The following KCNQ2 variants were observed in gnomAD, a reference collection of about 807,000 sequenced individuals.
The protein encoded by KCNQ2 is potassium voltage-gated channel subfamily KQT member 2.
In KCNQ2, 14 loss-of-function variants were observed where a neutral mutation model predicts 84.8. The ratio of observed to expected loss-of-function variants is 0.17; its 90% CI spans 0.11 to 0.26. KCNQ2 has a LOEUF of 0.26. KCNQ2 is among the 10% of genes least tolerant of loss of function. The pLI is 1.00. For missense variants in KCNQ2, 788 were observed against 1,254.0 expected, an observed-to-expected ratio of 0.63 and a Z score of 5.61; for synonymous variants, 599 against 554.1, an observed-to-expected ratio of 1.08 and a Z score of -1.14.
intron 15 of KCNQ2, chr20:63,411,152 G>A (rs751827729): frequency 1.3e-4 from 49 of 378,672 alleles, no homozygotes; most frequent in Non-Finnish European, 1.8e-4. Flanking sequence ...CTGCTGGAGC[G>A]CACGCCTGTG....
intron 7 of KCNQ2, among the ~76,000 whole-genome samples, chr20:63,436,459 A>T (rs982602612): frequency 1.6e-4 from 24 of 151,022 alleles, no homozygotes; most frequent in Non-Finnish European, 2.5e-4. Flanking sequence ...GGAACCAGGG[A>T]GGTGGAGCTT....
At chr20:63,431,463 A>G in intron 8 of KCNQ2, 94 bp from the exon 9 acceptor site, 3 of 1,372,442 alleles carry the variant, frequency 2.2e-6, no homozygotes, top group Non-Finnish European at 3.1e-6. Context: ...TAGTTGAGGA[A>G]AGTAGGGGAA....
chr20:63,437,935 G>A (rs976507854), intron 7 of KCNQ2, among the ~76,000 whole-genome samples: 7 of 152,100 alleles, frequency 4.6e-5, no homozygotes, highest in East Asian at 3.9e-4. Flanking sequence ...TCAGCCTCCC[G>A]AGTAGCTGGG....
intron 9 of KCNQ2, among the ~76,000 whole-genome samples, chr20:63,430,397 C>T (rs955474107): frequency 1.3e-5 from 2 of 152,114 alleles, no homozygotes; most frequent in African/African-American, 2.4e-5. Flanking sequence ...CAGCACTGCA[C>T]CCACTTCCTT....
At chr20:63,428,754 C>T (rs1037576253) in intron 9 of KCNQ2, among the ~76,000 whole-genome samples, 3 of 152,070 alleles carry the variant, frequency 2.0e-5, no homozygotes, top group Admixed American at 6.5e-5. Context: ...TGGAGGAGGG[C>T]GCGCAGGTAG....
intron 12 of KCNQ2, among the ~76,000 whole-genome samples, chr20:63,417,785 C>A (rs1166731596): frequency 2.0e-5 from 3 of 152,196 alleles, no homozygotes; most frequent in African/African-American, 7.2e-5. Flanking sequence ...TCAGGGGGGA[C>A]CCCCCGCTGA....
chr20:63,436,954 T>C (rs2081028390), intron 7 of KCNQ2, among the ~76,000 whole-genome samples: 1 of 152,022 alleles, frequency 6.6e-6, no homozygotes, highest in Non-Finnish European at 1.5e-5. Context: ...TTTTTTTGTA[T>C]TTTTAGTAGA....
intron 1 of KCNQ2, among the ~76,000 whole-genome samples, chr20:63,455,303 C>T (rs956389387): frequency 6.6e-6 from 1 of 152,226 alleles, no homozygotes. Flanking sequence ...AGCTGGTCCC[C>T]AGCCCCAGAT....
At chr20:63,439,887 GC>G in intron 5 of KCNQ2, 179 bp from the exon 6 acceptor site, 1 of 663,798 alleles carries the variant, frequency 1.5e-6, no homozygotes, top group Admixed American at 2.1e-5. Flanking sequence ...CATCCCCTGA[GC>G]CCTCTCTCCT....
intron 1 of KCNQ2, among the ~76,000 whole-genome samples, chr20:63,447,058 G>GGCAGCTGCCCCCTCTATGC: frequency 6.6e-6 from 1 of 151,060 alleles, no homozygotes; most frequent in East Asian, 2.0e-4. Flanking sequence ...ACTCCACAGT[G>GGCAGCTGCCCCCTCTATGC]GCAGCTGCCC....
At chr20:63,424,076 A>G in intron 11 of KCNQ2, 101 bp downstream of exon 11, 1 of 1,325,346 alleles carries the variant, frequency 7.5e-7, no homozygotes. Flanking sequence ...AAGCACACAC[A>G]AGGCCCTCAC....
intron 5 of KCNQ2, among the ~76,000 whole-genome samples, chr20:63,440,071 C>T (rs762161030): frequency 1.3e-5 from 2 of 152,208 alleles, no homozygotes; most frequent in Non-Finnish European, 2.9e-5. Flanking sequence ...CCAGAGGGAC[C>T]CAGAGGAACG....
intron 12 of KCNQ2, among the ~76,000 whole-genome samples, chr20:63,419,231 C>T (rs1460691146): frequency 6.6e-6 from 1 of 151,786 alleles, no homozygotes; most frequent in Non-Finnish European, 1.5e-5. Context: ...CTCCCGCGGT[C>T]GAGGCAGCCA....
intron 1 of KCNQ2, among the ~76,000 whole-genome samples, chr20:63,467,471 G>T (rs1251474202): frequency 1.3e-5 from 2 of 152,022 alleles, no homozygotes; most frequent in Non-Finnish European, 2.9e-5. Context: ...CTCCTCTACG[G>T]CTGTGGAATG....
At chr20:63,424,138 C>T (rs1439859836) in intron 11 of KCNQ2, 39 bp downstream of exon 11, 1 of 1,551,406 alleles carries the variant, frequency 6.4e-7, no homozygotes, top group Non-Finnish European at 8.7e-7. Context: ...GACGGCCGTG[C>T]ACACGGCAGA....
chr20:63,472,041 C>G, intron 1 of KCNQ2, 127 bp downstream of exon 1: 1 of 636,938 alleles, frequency 1.6e-6, no homozygotes, highest in East Asian at 3.3e-5. Context: ...CGGGGAGCGC[C>G]GGCCCCGGAC....
chr20:63,413,086 G>A (rs929604631), intron 15 of KCNQ2, among the ~76,000 whole-genome samples: 16 of 151,982 alleles, frequency 1.1e-4, no homozygotes, highest in African/African-American at 3.1e-4. Flanking sequence ...CCCCACACAC[G>A]TGCATACATG....
At chr20:63,419,829 G>A (rs1462288728) in intron 11 of KCNQ2, among the ~76,000 whole-genome samples, 157 bp from the exon 12 acceptor site, 1 of 152,090 alleles carries the variant, frequency 6.6e-6, no homozygotes, top group Non-Finnish European at 1.5e-5. Flanking sequence ...GTGCACCATC[G>A]TCTCCACCGT....
chr20:63,442,668 CCACCACCACCACCACCAT>C, intron 4 of KCNQ2, 137 bp from the exon 5 acceptor site: 1 of 479,678 alleles, frequency 2.1e-6, no homozygotes, highest in South Asian at 2.0e-5. Context: ...ACCATCACCA[CCACCACCACCACCACCAT>C]CACCATCACC....
Sources: allele counts gnomAD v4.1 joint callset (sites outside exome capture counted in the v4.1 genomes callset), GRCh38; gene constraint gnomAD v4.1.1; transcripts MANE v1.5; gene names NCBI Gene and HGNC (gene_info 2026-07-23, HGNC 2026-07-21).